Variants in NOTCH2NLB observed in about 807,000 individuals in gnomAD.
The protein encoded by NOTCH2NLB is notch homolog 2 N-terminal-like protein B.
Under a neutral mutation model 14.8 loss-of-function variants are expected in NOTCH2NLB, and 1 was observed. The ratio of observed to expected loss-of-function variants is 0.07; its 90% CI spans 0.02 to 0.32. The LOEUF (loss-of-function observed/expected upper bound fraction) is 0.32. Among genes scored for constraint, NOTCH2NLB ranks in the 10% least tolerant of loss-of-function variants. The pLI is 1.00. For synonymous variants in NOTCH2NLB, 6 were observed against 57.5 expected, an observed-to-expected ratio of 0.10 and a Z score of 4.05; for missense variants, 11 against 155.0, an observed-to-expected ratio of 0.07 and a Z score of 4.93.
chr1:148,651,154 A>AT (rs1664495443), intron 1 of NOTCH2NLB, among the ~76,000 whole-genome samples: 7 of 81,222 alleles, frequency 8.6e-5, no homozygotes, highest in African/African-American at 3.1e-4. Context: ...GAAAAAAAAA[A>AT]AAAAAAAAAT....
chr1:148,633,380 C>T (rs1304450084), intron 2 of NOTCH2NLB, among the ~76,000 whole-genome samples: 2 of 99,856 alleles, frequency 2.0e-5, no homozygotes, highest in Non-Finnish European at 3.8e-5. Flanking sequence ...AGTGAAACCC[C>T]GTCTCTACTA....
chr1:148,601,376 A>G, the NOTCH2NLB span, among the ~76,000 whole-genome samples: 5 of 149,836 alleles, frequency 3.3e-5, no homozygotes, highest in African/African-American at 9.8e-5. Flanking sequence ...GGCACTTCTT[A>G]AAAATATATC....
chr1:148,679,733 C>T (rs1283479783), exon 1 of NOTCH2NLB: 2 of 986,964 alleles, frequency 2.0e-6, no homozygotes, highest in Non-Finnish European at 2.6e-6. Context: ...GCCTCAGCCG[C>T]CCGAAGTTTG....
chr1:148,627,704 A>G (rs1664014529), intron 2 of NOTCH2NLB, among the ~76,000 whole-genome samples: 1 of 151,794 alleles, frequency 6.6e-6, no homozygotes, highest in African/African-American at 2.4e-5. Flanking sequence ...TTTCCTGTGA[A>G]AAACAGCCTT....
At chr1:148,637,414 G>A (rs1330886362) in intron 2 of NOTCH2NLB, among the ~76,000 whole-genome samples, 1 of 132,812 alleles carries the variant, frequency 7.5e-6, no homozygotes, top group Admixed American at 7.3e-5. Context: ...GTCTCCCCTA[G>A]AAACCTTCTC....
intron 2 of NOTCH2NLB, among the ~76,000 whole-genome samples, chr1:148,637,231 G>A (rs1419066834): frequency 6.9e-6 from 1 of 144,632 alleles, no homozygotes; most frequent in Non-Finnish European, 1.5e-5. Context: ...ACCACGCCCA[G>A]CTAATTTTTT....
the NOTCH2NLB span, among the ~76,000 whole-genome samples, chr1:148,700,900 C>T: frequency 4.7e-5 from 3 of 63,500 alleles, 1 homozygote; most frequent in African/African-American, 1.7e-4. Flanking sequence ...TCAATTTTTG[C>T]TTTTATTGAA....
downstream of NOTCH2NLB, among the ~76,000 whole-genome samples, chr1:148,605,042 C>T (rs1475842717): frequency 7.2e-6 from 1 of 139,722 alleles, no homozygotes; most frequent in East Asian, 2.0e-4. Flanking sequence ...TCTTGGTTTT[C>T]TTATAACATG....
At chr1:148,601,083 G>T in the NOTCH2NLB span, among the ~76,000 whole-genome samples, 2 of 150,042 alleles carry the variant, frequency 1.3e-5, no homozygotes, top group African/African-American at 2.5e-5. Flanking sequence ...GTTTCCATTT[G>T]TATGAAATGT....
intron 2 of NOTCH2NLB, among the ~76,000 whole-genome samples, chr1:148,637,459 C>G (rs1391333008): frequency 2.1e-5 from 3 of 140,702 alleles, no homozygotes; most frequent in African/African-American, 5.5e-5. Flanking sequence ...TAGGCGAACA[C>G]TTAGAACATA....
chr1:148,622,346 G>T (rs1663901491), intron 2 of NOTCH2NLB, among the ~76,000 whole-genome samples: 1 of 110,694 alleles, frequency 9.0e-6, no homozygotes, highest in Non-Finnish European at 1.8e-5. Flanking sequence ...CTCCAGCCTG[G>T]GCAACAGAGC....
At chr1:148,694,828 T>G in the NOTCH2NLB span, among the ~76,000 whole-genome samples, 2 of 99,754 alleles carry the variant, frequency 2.0e-5, no homozygotes, top group African/African-American at 3.4e-5. Flanking sequence ...ATTCCAGAAG[T>G]GCAAGTAGAC....
intron 2 of NOTCH2NLB, among the ~76,000 whole-genome samples, chr1:148,622,588 T>C (rs1663910177): frequency 1.5e-5 from 1 of 65,964 alleles, no homozygotes; most frequent in South Asian, 7.7e-4. Context: ...CATGACCTCC[T>C]GATCTGGACA....
chr1:148,633,559 AAAC>A lies in NOTCH2NLB; in HGVS notation c.77+6454_77+6456del, dbSNP rs1229307928. Among the ~76,000 whole-genome samples, 152 of 33,676 alleles carry A rather than the reference AAAC, an allele frequency of 4.5e-3. 3 individuals are homozygous for A. The Middle Eastern group carries it at 0.053, about 12-fold the overall frequency. The allele number at this position is 33,676 out of a possible 152,430, so 22.1% of individuals were successfully genotyped here. ...CAGAGCGAGACTCTGTCTCAAAAAA[AAAC>A]AACAACAAAAAACTATGTCCTCTTC... On this transcript the variant is annotated intron_variant, in intron 2 of 4. Coordinates refer to ENST00000593495, the Ensembl canonical transcript of NOTCH2NLB.
Position 148,649,511 on chromosome 1 carries a change from C to A in NOTCH2NLB, c.4-9422G>T, listed in dbSNP as rs1352768962. Among the ~76,000 whole-genome samples, 6 of 60,292 alleles carry A rather than the reference C, an allele frequency of 1.0e-4. 1 individual carries two copies. The highest frequency in any genetic ancestry group is 3.4e-4 in the African/African-American group (6 of 17,782). 39.6% of individuals were successfully genotyped at this position (60,292 alleles called of 152,430 possible). On this transcript the variant is annotated intron_variant, in intron 1 of 4. Transcript: ENST00000593495. The stretch of plus-strand genomic sequence containing the variant: ...CTTTTAGTAAACTCCCTTTTTAAAG[C>A]TTTTTTTTTTTTTTTTTGAGATGGA...
intron 1 of NOTCH2NLB, among the ~76,000 whole-genome samples, chr1:148,645,780 TA>T (rs1159569818): frequency 6.6e-6 from 1 of 150,894 alleles, no homozygotes; most frequent in East Asian, 1.9e-4. Context: ...CCCATCCTTG[TA>T]ACACTCATGA....
rs1412553750 is a variant in NOTCH2NLB at position 148,610,373 on chromosome 1, G to GAGAAAGAA, written c.338-2636_338-2629dup. On this transcript the variant is annotated intron_variant, in intron 3 of 4. Coordinates refer to ENST00000593495, the Ensembl canonical transcript of NOTCH2NLB. ...AGAAAGAAAGAAAGAAAGAAAGAAA[G>GAGAAAGAA]AGAAAGAAAGAAAGAAAGAAAGGGA... 2.0e-4 allele frequency among the ~76,000 whole-genome samples: 18 copies of GAGAAAGAA among 89,206 alleles called. 1 individual carries two copies. Among genetic ancestry groups the GAGAAAGAA allele is most frequent in the African/African-American group, 8.4e-4 (17 of 20,240 alleles). 58.5% of individuals were successfully genotyped at this position (89,206 alleles called of 152,430 possible). A position where few individuals can be genotyped will look rare whatever the true frequency, so the allele number is the denominator to read the frequency against.
At chr1:148,680,937 A>T (rs1412174650), upstream of NOTCH2NLB, among the ~76,000 whole-genome samples, 1 of 152,280 alleles carries the variant, frequency 6.6e-6, no homozygotes, top group Non-Finnish European at 1.5e-5. Context: ...CATTCCAGGA[A>T]AGAGCCCTCG....
chr1:148,661,578 G>A (rs1450607416), intron 1 of NOTCH2NLB, among the ~76,000 whole-genome samples: 3 of 149,836 alleles, frequency 2.0e-5, no homozygotes, highest in African/African-American at 4.9e-5. Context: ...TGTACCTCAC[G>A]AGTAGCCCTT....
Sources: allele counts gnomAD v4.1 joint callset (sites outside exome capture counted in the v4.1 genomes callset), GRCh38; gene constraint gnomAD v4.1.1; transcripts MANE v1.5; gene names NCBI Gene and HGNC (gene_info 2026-07-23, HGNC 2026-07-21).